PTK2: variants seen among roughly 807,000 people sequenced by gnomAD.
PTK2 encodes the protein focal adhesion kinase 1.
PTK2 carries 45 observed loss-of-function variants against 150.1 expected under a neutral mutation model. That is an observed-to-expected ratio of 0.30 (90% CI 0.24 to 0.38). PTK2 has a LOEUF of 0.38. Ranked by LOEUF, PTK2 falls within the 10% of genes least tolerant of loss-of-function variation. The pLI, the probability that PTK2 is intolerant of heterozygous loss-of-function variation, is 1.00. For synonymous variants in PTK2, 432 were observed against 449.2 expected, an observed-to-expected ratio of 0.96 and a Z score of 0.48; for missense variants, 919 against 1,307.3, an observed-to-expected ratio of 0.70 and a Z score of 4.58.
chr8:140,932,561 A>G (rs2100172222), intron 1 of PTK2, among the ~76,000 whole-genome samples: 1 of 152,196 alleles, frequency 6.6e-6, no homozygotes, highest in Non-Finnish European at 1.5e-5. Flanking sequence ...AGCCATATCT[A>G]GTTTAATTGA....
At chr8:140,818,245 G>C in intron 10 of PTK2, 32 bp downstream of exon 10, 1 of 1,559,146 alleles carries the variant, frequency 6.4e-7, no homozygotes. Context: ...TTTGTGTAAC[G>C]CCAAGTTCCC....
At position 140,883,699 on chromosome 8, in the gene PTK2, G is replaced by T. The variant is rs190458125; in HGVS notation, c.196-4062C>A. 7.7e-3 allele frequency among the ~76,000 whole-genome samples: 1,162 copies of T among 151,604 alleles called. 9 individuals carry two copies. Among genetic ancestry groups the T allele is most frequent in the Non-Finnish European group, 0.01 (699 of 67,940 alleles). On this transcript the variant is annotated intron_variant, in intron 3 of 31. Coordinates refer to ENST00000522684, the Ensembl canonical transcript of PTK2. ...ACACCTAGTACGTTTCCTCCTCTTG[G>T]TCCAGTCATAAACTAGGAGTCCTTC...
At chr8:140,873,884 A>G (rs756100091) in intron 4 of PTK2, among the ~76,000 whole-genome samples, 22 of 152,214 alleles carry the variant, frequency 1.4e-4, no homozygotes, top group African/African-American at 2.7e-4. Context: ...CTTTTGCGGA[A>G]TGTCCTAATC....
intron 7 of PTK2, among the ~76,000 whole-genome samples, chr8:140,844,805 C>T (rs2100124361): frequency 6.6e-6 from 1 of 152,160 alleles, no homozygotes; most frequent in African/African-American, 2.4e-5. Flanking sequence ...CATTTCATAA[C>T]AGTGAAATAA....
chr8:140,745,229 CCT>C (rs1593337295), intron 18 of PTK2, among the ~76,000 whole-genome samples: 2 of 152,284 alleles, frequency 1.3e-5, no homozygotes, highest in East Asian at 3.9e-4. Context: ...AGGAATCTCC[CCT>C]CTTATTTCCT....
intron 2 of PTK2, chr8:140,921,096 G>A: frequency 7.7e-7 from 1 of 1,306,656 alleles, no homozygotes; most frequent in East Asian, 3.1e-5. Context: ...CTTGAAGAAT[G>A]CCTCTCAGTT....
At chr8:140,670,456 CAAAAAAAA>C (rs10558474) in intron 29 of PTK2, among the ~76,000 whole-genome samples, 4 of 17,820 alleles carry the variant, frequency 2.2e-4, no homozygotes, top group African/African-American at 6.9e-4. Context: ...CACTGTGTCT[CAAAAAAAA>C]AAAAAAAAAA....
intron 14 of PTK2, among the ~76,000 whole-genome samples, chr8:140,775,594 C>T (rs1407254484): frequency 3.9e-5 from 6 of 152,068 alleles, no homozygotes; most frequent in African/African-American, 1.4e-4. Flanking sequence ...CTGCCTGCCT[C>T]GGCCTCCCTG....
Position 140,705,333 on chromosome 8 carries a change from C to CT in PTK2, c.2229+785dup, listed in dbSNP as rs200345584. Among the ~76,000 whole-genome samples the CT allele has an allele frequency of 4.9e-3, 744 of 152,278 alleles. 4 individuals are homozygous for CT. The highest frequency in any genetic ancestry group is 0.017 in the African/African-American group (714 of 41,558). ...AAGTACTGACACCTTCAATAGGACT[C>CT]TGACTTCTACAGACATTACGAGTAA... On this transcript the variant is annotated intron_variant, in intron 24 of 31. Transcript: ENST00000522684.
intron 18 of PTK2, among the ~76,000 whole-genome samples, chr8:140,744,989 A>G (rs552005678): frequency 1.3e-5 from 2 of 152,352 alleles, no homozygotes; most frequent in East Asian, 3.8e-4. Flanking sequence ...TGAAATTAAA[A>G]TATTTTTGAC....
At chr8:140,921,551 A>G (rs1033138533) in intron 2 of PTK2, among the ~76,000 whole-genome samples, 2 of 152,204 alleles carry the variant, frequency 1.3e-5, no homozygotes, top group African/African-American at 4.8e-5. Flanking sequence ...TGATCTATCT[A>G]TGTCTCTATG....
Position 140,800,605 on chromosome 8 carries a change from CTTCATTG to C in PTK2, c.976-36_976-30del, listed in dbSNP as rs775658813. The C allele has an allele frequency of 1.5e-5, 23 of 1,538,550 alleles. No homozygotes were observed. In the South Asian group the frequency reaches 2.5e-4, roughly 16 times the overall value. On this transcript the variant is annotated intron_variant, in intron 11 of 31. Coordinates refer to ENST00000522684, the Ensembl canonical transcript of PTK2. ...ACGGAGAAAAGATCAAGAAAACAGA[CTTCATTG>C]TTCTTCCCAGTAAGCAAAGGACAGC...
Position 140,665,000 on chromosome 8 carries a change from A to G in PTK2, c.2866-3T>C, listed in dbSNP as rs1342008296. 4 of 1,612,984 alleles carry G rather than the reference A, an allele frequency of 2.5e-6. No individual in the cohort carries two copies. Among genetic ancestry groups the G allele is most frequent in the Non-Finnish European group, 3.4e-6 (4 of 1,179,372 alleles). On this transcript the variant is annotated splice_region_variant and splice_polypyrimidine_tract_variant and intron_variant, in intron 30 of 31. Transcript: ENST00000522684. ...GTCCTCAGGGCCAAGCCGACTTCCT[A>G]ACAGACAAGAATCACAACCAATATT...
At chr8:140,779,925 T>C (rs968764165) in intron 14 of PTK2, among the ~76,000 whole-genome samples, 1 of 152,164 alleles carries the variant, frequency 6.6e-6, no homozygotes, top group Non-Finnish European at 1.5e-5. Flanking sequence ...GGTTTCCCAG[T>C]AATCATCCAA....
intron 7 of PTK2, among the ~76,000 whole-genome samples, chr8:140,837,122 C>T (rs747504679): frequency 2.0e-5 from 3 of 152,200 alleles, no homozygotes; most frequent in Non-Finnish European, 4.4e-5. Context: ...GCTGCCTTCT[C>T]TCCTCCTCAC....
chr8:140,673,117 T>G (rs1053602390), intron 29 of PTK2, among the ~76,000 whole-genome samples: 1 of 152,080 alleles, frequency 6.6e-6, no homozygotes, highest in African/African-American at 2.4e-5. Flanking sequence ...TTTTTTTTTT[T>G]TTAACCTCGA....
intron 2 of PTK2, among the ~76,000 whole-genome samples, chr8:140,903,615 T>C (rs1427352356): frequency 6.6e-6 from 1 of 152,216 alleles, no homozygotes; most frequent in African/African-American, 2.4e-5. Flanking sequence ...TTTCACAATA[T>C]TGATTCTTCC....
At chr8:140,756,101 G>A (rs2100065525) in intron 16 of PTK2, among the ~76,000 whole-genome samples, 1 of 151,944 alleles carries the variant, frequency 6.6e-6, no homozygotes, top group East Asian at 1.9e-4. Context: ...GGGGCAGGTG[G>A]GTCCCTGGAG....
intron 1 of PTK2, among the ~76,000 whole-genome samples, chr8:140,964,561 T>A (rs2154609480): frequency 7.0e-6 from 1 of 142,882 alleles, no homozygotes; most frequent in Non-Finnish European, 1.5e-5. Context: ...TTTTTTTTTT[T>A]TTTTTTTTTT....
Sources: gnomAD v4.1 joint callset for allele counts (sites outside exome capture counted in the v4.1 genomes callset) on GRCh38, gnomAD v4.1.1 for gene constraint, MANE v1.5 for transcripts, NCBI Gene and HGNC (gene_info 2026-07-23, HGNC 2026-07-21) for gene names.